LRRIQ1: variants seen among roughly 807,000 people sequenced by gnomAD.
LRRIQ1 encodes leucine-rich repeat- and IQ domain-containing protein 1.
Under a neutral mutation model 211.9 loss-of-function variants are expected in LRRIQ1, and 210 were observed. That is an observed-to-expected ratio of 0.99 (90% CI 0.89 to 1.11). The LOEUF (loss-of-function observed/expected upper bound fraction) is 1.11, where lower values mean the gene tolerates loss of function less well. Among genes scored for constraint, LRRIQ1 ranks in the 50% most tolerant of loss-of-function variants. LRRIQ1 has a pLI of 0.00. For synonymous variants in LRRIQ1, 699 were observed against 650.1 expected, an observed-to-expected ratio of 1.08 and a Z score of -1.14; for missense variants, 2,136 against 1,939.5, an observed-to-expected ratio of 1.10 and a Z score of -1.90.
intron 24 of LRRIQ1, among the ~76,000 whole-genome samples, chr12:85,195,323 TG>T (rs1276716825): frequency 6.6e-6 from 1 of 152,034 alleles, no homozygotes; most frequent in Non-Finnish European, 1.5e-5. Flanking sequence ...ACTCATTTTA[TG>T]AGGCCAGCAT....
intron 23 of LRRIQ1, chr12:85,159,679 T>G (rs952743083): frequency 6.6e-6 from 1 of 152,008 alleles, no homozygotes; most frequent in Non-Finnish European, 1.5e-5. Context: ...AGTAGAGAGA[T>G]GGTTATAAGA....
chr12:85,051,937 A>G (rs1460575008), intron 6 of LRRIQ1, among the ~76,000 whole-genome samples: 1 of 152,188 alleles, frequency 6.6e-6, no homozygotes, highest in Non-Finnish European at 1.5e-5. Flanking sequence ...ACATACTCAA[A>G]TAAATACAAC....
chr12:85,214,268 T>G (rs2068416), intron 24 of LRRIQ1, among the ~76,000 whole-genome samples: 11 of 152,188 alleles, frequency 7.2e-5, no homozygotes, highest in Admixed American at 3.3e-4. Context: ...AGACTAAATA[T>G]TAAAGAACTA....
At chr12:85,224,501 T>C (rs941094424) in intron 24 of LRRIQ1, among the ~76,000 whole-genome samples, 3 of 152,020 alleles carry the variant, frequency 2.0e-5, no homozygotes, top group Non-Finnish European at 4.4e-5. Flanking sequence ...CCATCAATGA[T>C]AGACTGGATT....
chr12:85,265,385 C>T (rs1896398346), downstream of LRRIQ1, among the ~76,000 whole-genome samples: 1 of 151,746 alleles, frequency 6.6e-6, no homozygotes, highest in African/African-American at 2.4e-5. Flanking sequence ...GAAGAAGACC[C>T]CTAAGGGGTC....
chr12:85,206,645 A>C (rs1592970063), intron 24 of LRRIQ1, among the ~76,000 whole-genome samples: 1 of 151,934 alleles, frequency 6.6e-6, no homozygotes, highest in East Asian at 2.0e-4. Context: ...GAGGTTGGAG[A>C]GGGTGTGGGT....
chr12:85,269,446 G>A (rs1425356021), downstream of LRRIQ1, among the ~76,000 whole-genome samples: 2 of 151,934 alleles, frequency 1.3e-5, no homozygotes, highest in Non-Finnish European at 2.9e-5. Flanking sequence ...TACTTAATGG[G>A]TATATCAATT....
At chr12:85,250,875 T>A (rs1233361024) in intron 1 of LRRIQ1, among the ~76,000 whole-genome samples, 1 of 39,700 alleles carries the variant, frequency 2.5e-5, no homozygotes, top group East Asian at 5.1e-4. Flanking sequence ...GATTATATAT[T>A]ATATTATATA....
chr12:85,086,227 A>G lies in LRRIQ1; in HGVS notation c.2888-12128A>G, dbSNP rs570954200. 2.0e-5 allele frequency among the ~76,000 whole-genome samples: 3 copies of G among 152,204 alleles called. No individual in the cohort carries two copies. In the South Asian group the frequency reaches 6.2e-4, roughly 32 times the overall value. ...TTTCACATATTTGTTGACTGCATGT[A>G]TGTCTTTGATATAGCTTAGATATTT... On this transcript the variant is annotated intron_variant, in intron 11 of 26. Coordinates refer to ENST00000393217, the MANE Select transcript of LRRIQ1 (RefSeq NM_001079910.2).
intron 25 of LRRIQ1, among the ~76,000 whole-genome samples, chr12:85,230,297 T>C (rs893977909): frequency 6.6e-6 from 1 of 152,322 alleles, no homozygotes; most frequent in Non-Finnish European, 1.5e-5. Flanking sequence ...AAAATTATTT[T>C]ATCTCACTCA....
intron 4 of LRRIQ1, 88 bp from the exon 5 acceptor site, chr12:85,045,932 C>T (rs1879496196): frequency 1.2e-5 from 7 of 605,246 alleles, no homozygotes; most frequent in Non-Finnish European, 1.4e-5. Flanking sequence ...TTGGTATATA[C>T]ATATAAATAT....
intron 3 of LRRIQ1, among the ~76,000 whole-genome samples, chr12:85,043,507 C>T (rs1879150261): frequency 6.6e-6 from 1 of 152,098 alleles, no homozygotes; most frequent in African/African-American, 2.4e-5. Flanking sequence ...TAGGGCTTCT[C>T]ATGATCTTTT....
chr12:85,183,758 A>G (rs536559161), intron 24 of LRRIQ1, among the ~76,000 whole-genome samples: 149 of 152,228 alleles, frequency 9.8e-4, no homozygotes, highest in African/African-American at 3.4e-3. Context: ...ATTGCACCCA[A>G]CTGCCAAGGG....
chr12:85,160,792 T>A, intron 24 of LRRIQ1, 78 bp downstream of exon 24: 2 of 689,806 alleles, frequency 2.9e-6, no homozygotes, highest in Non-Finnish European at 4.4e-6. Flanking sequence ...AATAAATTTT[T>A]AATTCTTAAT....
downstream of LRRIQ1, among the ~76,000 whole-genome samples, chr12:85,269,047 G>A (rs765435930): frequency 6.6e-6 from 1 of 151,898 alleles, no homozygotes; most frequent in Non-Finnish European, 1.5e-5. Flanking sequence ...TTTAAGTGAA[G>A]AATACAGCCT....
At chr12:85,213,611 T>C (rs1893940974) in intron 24 of LRRIQ1, among the ~76,000 whole-genome samples, 1 of 152,014 alleles carries the variant, frequency 6.6e-6, no homozygotes, top group Non-Finnish European at 1.5e-5. Flanking sequence ...AAAAAATGTC[T>C]TCAGGATTAA....
chr12:85,221,950 A>G (rs1442110977), intron 24 of LRRIQ1, among the ~76,000 whole-genome samples: 3 of 152,154 alleles, frequency 2.0e-5, no homozygotes, highest in Admixed American at 6.6e-5. Flanking sequence ...TGTTGCAGTA[A>G]TTCAGTAGAA....
Position 85,061,052 on chromosome 12 carries a change from T to G in LRRIQ1, c.2391+3868T>G, listed in dbSNP as rs1881736399. 2.0e-5 allele frequency among the ~76,000 whole-genome samples: 3 copies of G among 151,914 alleles called. No individual in the cohort carries two copies. In the South Asian group the frequency reaches 6.2e-4, roughly 31 times the overall value. On this transcript the variant is annotated intron_variant, in intron 8 of 26. Coordinates refer to ENST00000393217, the MANE Select transcript of LRRIQ1 (RefSeq NM_001079910.2). ...AAAGTATAACTTTTTCAAATGTTTT[T>G]ACATAATTCTTTATAAGAAAAAGGA...
intron 15 of LRRIQ1, among the ~76,000 whole-genome samples, chr12:85,121,355 T>C (rs1394224767): frequency 6.6e-6 from 1 of 152,202 alleles, no homozygotes; most frequent in East Asian, 1.9e-4. Flanking sequence ...TTATCTTCTG[T>C]TTAAAAGTTT....
Sources: allele counts gnomAD v4.1 joint callset (sites outside exome capture counted in the v4.1 genomes callset), GRCh38; gene constraint gnomAD v4.1.1; transcripts MANE v1.5; gene names NCBI Gene and HGNC (gene_info 2026-07-23, HGNC 2026-07-21).